PGLS: variants seen among roughly 807,000 people sequenced by gnomAD.
PGLS encodes 6-phosphogluconolactonase, also known as epididymis secretory protein Li 304.
PGLS carries 21 observed loss-of-function variants against 23.2 expected under a neutral mutation model. The observed-to-expected ratio is 0.91, with a 90% CI of 0.64 to 1.31. The LOEUF is 1.31. Ranked by LOEUF, PGLS falls within the 50% of genes most tolerant of loss-of-function variation. The pLI is 0.00. For missense variants in PGLS, 410 were observed against 354.0 expected, an observed-to-expected ratio of 1.16 and a Z score of -1.27; for synonymous variants, 179 against 165.4, an observed-to-expected ratio of 1.08 and a Z score of -0.63.
intron 1 of PGLS, among the ~76,000 whole-genome samples, chr19:17,513,702 C>T (rs190314216): frequency 1.6e-4 from 24 of 152,084 alleles, no homozygotes; most frequent in African/African-American, 5.1e-4. Flanking sequence ...GCCTGTAATC[C>T]CGGCTACAGG....
Position 17,511,899 on chromosome 19 carries a change from G to C in PGLS, c.227G>C (p.Gly76Ala). Residue 76 changes from glycine to alanine, a missense_variant, in exon 1 of 5, where the codon GGC becomes GCC. Coordinates refer to ENST00000252603, the MANE Select transcript of PGLS (RefSeq NM_012088.3). ...GPASLARWTL[G>A]FCDERLVPFD... ...GCTAGCTTAGCGCGCTGGACGCTGG[G>C]CTTCTGCGACGAGCGCCTCGTGCCC... 6.5e-7 allele frequency: 1 copy of C among 1,543,924 alleles called. No homozygotes were observed. Among genetic ancestry groups the C allele is most frequent in the East Asian group, 2.5e-5 (1 of 40,156 alleles).
chr19:17,519,597 A>G (rs2075548299), intron 4 of PGLS, among the ~76,000 whole-genome samples: 1 of 151,842 alleles, frequency 6.6e-6, no homozygotes, highest in Admixed American at 6.6e-5. Context: ...ACAGGGTTTC[A>G]CAACATTGGC....
Position 17,511,939 on chromosome 19 carries a change from G to A in PGLS, c.267G>A (p.Glu89=), listed in dbSNP as rs2075509384. 1 of 1,550,642 alleles carries A rather than the reference G, an allele frequency of 6.4e-7. No individual in the cohort carries two copies. The highest frequency in any genetic ancestry group is 8.7e-7 in the Non-Finnish European group (1 of 1,149,832). ...GCCTCGTGCCCTTCGATCACGCCGA[G>A]AGCACGTACGGCCTCTACCGGGTGA... ...DERLVPFDHA[E]STYGLYRTHL... Residue 89 remains glutamate, a synonymous_variant, in exon 1 of 5, where the codon GAG becomes GAA. Transcript: ENST00000252603.
At position 17,517,779 on chromosome 19, in the gene PGLS, C is replaced by CTA; in HGVS notation, c.569_570dup (p.Pro191TyrfsTer4). 6.2e-7 allele frequency: 1 copy of CTA among 1,614,140 alleles called. No individual in the cohort carries two copies. Among genetic ancestry groups the CTA allele is most frequent in the Non-Finnish European group, 8.5e-7 (1 of 1,180,000 alleles). ...ACCGCCACAGCGTGTGACCCTCACA[C>CTA]TACCTGTCCTGAATGCAGCACGAAC... On this transcript the variant is annotated frameshift_variant, in exon 4 of 5. Coordinates refer to ENST00000252603, the MANE Select transcript of PGLS (RefSeq NM_012088.3). LOFTEE classifies it high-confidence loss of function.
rs575069030 is a variant in PGLS, at chr19:17,511,766, T to A, written c.94T>A (p.Cys32Ser). 4.5e-5 allele frequency: 68 copies of A among 1,499,520 alleles called. No homozygotes were observed. In the African/African-American group the frequency reaches 8.6e-4, roughly 19 times the overall value. 92.9% of individuals were successfully genotyped at this position (1,499,520 alleles called of 1,614,324 possible). ...GCAGCTGGTGGCCCAGCGCGCAGCATGCTGCCTGGCAGGGGCCCGCGCCCG... is the reference window on the plus strand; with the variant it reads ...GCAGCTGGTGGCCCAGCGCGCAGCAAGCTGCCTGGCAGGGGCCCGCGCCCG... ...LAQLVAQRAA[C>S]CLAGARARFA... is the part of the protein sequence containing the mutation. The change falls in exon 1 of 5, where the codon TGC becomes AGC. Residue 32 changes from cysteine (C) to serine (S), a missense_variant. Physicochemically the swap from Cys to Ser is moderately radical, Grantham distance 112. Transcript: ENST00000252603.
chr19:17,516,362 C>G (rs1462087858), intron 2 of PGLS, 82 bp downstream of exon 2: 2 of 1,528,592 alleles, frequency 1.3e-6, no homozygotes, highest in Non-Finnish European at 1.8e-6. Context: ...TTCTGATTGT[C>G]ACCAGCAGGA....
At position 17,511,942 on chromosome 19, in the gene PGLS, C is replaced by T. The variant is rs2075509397; in HGVS notation, c.270C>T (p.Ser90=). Residue 90 remains serine (S), a synonymous_variant, in exon 1 of 5, where the codon AGC becomes AGT. Transcript: ENST00000252603. ...TCGTGCCCTTCGATCACGCCGAGAG[C>T]ACGTACGGCCTCTACCGGGTGAGAG... is the stretch of plus-strand genomic sequence containing the variant. ...ERLVPFDHAE[S]TYGLYRTHLL... is the part of the protein sequence containing the mutation. 5 of 1,549,968 alleles carry T rather than the reference C, an allele frequency of 3.2e-6. No homozygotes were observed. In the South Asian group the frequency reaches 3.6e-5, roughly 11 times the overall value.
In PGLS at chr19:17,511,688, C is replaced by G; in HGVS notation, c.16C>G (p.Pro6Ala). The G allele has an allele frequency of 1.3e-6, 2 of 1,503,394 alleles. No homozygotes were observed. The highest frequency in any genetic ancestry group is 1.8e-6 in the Non-Finnish European group (2 of 1,133,430). 93.1% of individuals were successfully genotyped at this position (1,503,394 alleles called of 1,614,324 possible). A position where few individuals can be genotyped will look rare whatever the true frequency, so the allele number is the denominator to read the frequency against. Residue 6 changes from proline to alanine, a missense_variant, in exon 1 of 5, where the codon CCG (proline) becomes GCG (alanine). Coordinates refer to ENST00000252603, the MANE Select transcript of PGLS (RefSeq NM_012088.3). MAAPAPGLISVFSSSQ... is the reference protein window; with the variant it reads MAAPAAGLISVFSSSQ... ...CGCCCTCGCCATGGCCGCGCCGGCC[C>G]CGGGCCTCATCTCGGTGTTCTCGAG...
At chr19:17,516,830 G>A (rs575129014) in intron 2 of PGLS, among the ~76,000 whole-genome samples, 57 of 149,218 alleles carry the variant, frequency 3.8e-4, no homozygotes, top group Middle Eastern at 3.9e-3. Flanking sequence ...CTCGTGATCC[G>A]CCCACCTTGG....
intron 4 of PGLS, among the ~76,000 whole-genome samples, chr19:17,519,202 T>C (rs1023558997): frequency 5.3e-5 from 8 of 150,498 alleles, no homozygotes; most frequent in Non-Finnish European, 1.0e-4. Context: ...TAGTCCCAGC[T>C]ACTCAGGAGC....
chr19:17,511,903 C>T lies in PGLS; in HGVS notation c.231C>T (p.Phe77=), dbSNP rs1270094611. The change falls in exon 1 of 5, where the codon TTC becomes TTT. Residue 77 remains phenylalanine, a synonymous_variant. Transcript: ENST00000252603. ...PASLARWTLG[F]CDERLVPFDH... ...GCTTAGCGCGCTGGACGCTGGGCTT[C>T]TGCGACGAGCGCCTCGTGCCCTTCG... 1.9e-6 allele frequency: 3 copies of T among 1,544,574 alleles called. No individual in the cohort carries two copies. The highest frequency in any genetic ancestry group is 1.7e-6 in the Non-Finnish European group (2 of 1,146,250).
Position 17,519,657 on chromosome 19 carries a change from C to T in PGLS, c.640-1287C>T, listed in dbSNP as rs546188175. On this transcript the variant is annotated intron_variant, in intron 4 of 4. Coordinates refer to ENST00000252603, the MANE Select transcript of PGLS (RefSeq NM_012088.3). ...TCAAGTGATCCGCCCCCCTCGGCCT[C>T]CCAAAGTGCTGGGATTACAGGCATG... is the stretch of plus-strand genomic sequence containing the variant. Among the ~76,000 whole-genome samples, 521 of 152,198 alleles carry T rather than the reference C, an allele frequency of 3.4e-3. 6 individuals carry two copies. The highest frequency in any genetic ancestry group is 0.012 in the African/African-American group (495 of 41,538).
chr19:17,512,250 G>A (rs2075512258), intron 1 of PGLS: 2 of 443,878 alleles, frequency 4.5e-6, no homozygotes, highest in Non-Finnish European at 8.1e-6. Context: ...CCTGCACCTC[G>A]ACTACGGGGG....
Position 17,518,821 on chromosome 19 carries a change from G to A in PGLS, c.639+971G>A, listed in dbSNP as rs192476633. On this transcript the variant is annotated intron_variant, in intron 4 of 4. Coordinates refer to ENST00000252603, the MANE Select transcript of PGLS (RefSeq NM_012088.3). ...GCTGGGATTACAGATATGAGTCACC[G>A]TGCCTAGCCTGGTTTTTACTTTTCT... Among the ~76,000 whole-genome samples, 347 of 152,086 alleles carry A rather than the reference G, an allele frequency of 2.3e-3. 4 individuals carry two copies. The highest frequency in any genetic ancestry group is 7.3e-3 in the African/African-American group (305 of 41,498).
chr19:17,520,206 T>A (rs1029795515), intron 4 of PGLS, among the ~76,000 whole-genome samples: 6 of 151,284 alleles, frequency 4.0e-5, no homozygotes, highest in African/African-American at 1.5e-4. Context: ...AACGTGGGAG[T>A]TCAAGACCAG....
chr19:17,514,234 T>C (rs1438373026), intron 1 of PGLS, among the ~76,000 whole-genome samples: 1 of 152,172 alleles, frequency 6.6e-6, no homozygotes, highest in East Asian at 1.9e-4. Context: ...TTCTGGGGGC[T>C]CTGGGCGTTC....
At chr19:17,513,396 G>A (rs8104734) in intron 1 of PGLS, among the ~76,000 whole-genome samples, 8,492 of 151,768 alleles carry the variant, frequency 0.056, 733 homozygotes, top group African/African-American at 0.19. Context: ...GTGTGGTGGT[G>A]CGCACCTGTA....
In PGLS at chr19:17,511,751, G is replaced by A. The variant is rs763166587; in HGVS notation, c.79G>A (p.Ala27Thr). ...ELGAALAQLV[A>T]QRAACCLAGA... ...GGGTGCGGCGCTAGCGCAGCTGGTG[G>A]CCCAGCGCGCAGCATGCTGCCTGGC... The change falls in exon 1 of 5, where the codon GCC becomes ACC. Residue 27 changes from alanine to threonine, a missense_variant. Physicochemically the swap from Ala to Thr is moderately conservative, Grantham distance 58 (BLOSUM62 0). Coordinates refer to ENST00000252603, the MANE Select transcript of PGLS (RefSeq NM_012088.3). 1.3e-6 allele frequency: 2 copies of A among 1,500,678 alleles called. No homozygotes were observed. Among genetic ancestry groups the A allele is most frequent in the East Asian group, 2.7e-5 (1 of 36,396 alleles). The allele number at this position is 1,500,678 out of a possible 1,614,324, so 93.0% of individuals were successfully genotyped here.
chr19:17,512,097 G>A, intron 1 of PGLS, 137 bp downstream of exon 1: 1 of 933,764 alleles, frequency 1.1e-6, no homozygotes, highest in Non-Finnish European at 1.5e-6. Flanking sequence ...GGGGCCACTG[G>A]GTATCATGCC....
Sources: gnomAD v4.1 joint callset for allele counts (sites outside exome capture counted in the v4.1 genomes callset) on GRCh38, gnomAD v4.1.1 for gene constraint, MANE v1.5 for transcripts, NCBI Gene and HGNC (gene_info 2026-07-23, HGNC 2026-07-21) for gene names.